The following B4GALNT3 variants were observed in gnomAD, a reference collection of about 807,000 sequenced individuals.
The protein encoded by B4GALNT3 is beta-1,4-N-acetylgalactosaminyltransferase 3.
B4GALNT3 carries 86 observed loss-of-function variants against 120.2 expected under a neutral mutation model. That is an observed-to-expected ratio of 0.72 (90% CI 0.60 to 0.86). B4GALNT3 has a LOEUF of 0.86. B4GALNT3 is among the 40% of genes least tolerant of loss of function. B4GALNT3 has a pLI of 0.00. For synonymous variants in B4GALNT3, 518 were observed against 510.4 expected (o/e 1.01, Z -0.20); for missense variants, 1,167 against 1,298.9 (o/e 0.90, Z 1.56).
At chr12:551,664 A>G (rs982907646) in intron 11 of B4GALNT3, among the ~76,000 whole-genome samples, 3 of 152,152 alleles carry the variant, frequency 2.0e-5, no homozygotes, top group African/African-American at 7.2e-5. Flanking sequence ...GGAAGCAGTG[A>G]AGTAAATAGG....
chr12:549,451 G>A (rs1184467303), intron 9 of B4GALNT3, among the ~76,000 whole-genome samples: 3 of 152,258 alleles, frequency 2.0e-5, no homozygotes, highest in Non-Finnish European at 1.5e-5. Flanking sequence ...TGCTCTGTAA[G>A]CGTTCAATAA....
At chr12:527,477 G>T (rs1172836404) in intron 1 of B4GALNT3, among the ~76,000 whole-genome samples, 1 of 152,248 alleles carries the variant, frequency 6.6e-6, no homozygotes, top group Non-Finnish European at 1.5e-5. Context: ...GGAAGCTGGG[G>T]GAAAGGACAG....
intron 1 of B4GALNT3, among the ~76,000 whole-genome samples, chr12:476,221 T>C (rs1294346088): frequency 6.6e-6 from 1 of 152,240 alleles, no homozygotes; most frequent in Non-Finnish European, 1.5e-5. Flanking sequence ...TGTGTTTTTG[T>C]TGTGACAATT....
intron 19 of B4GALNT3, among the ~76,000 whole-genome samples, chr12:560,650 C>T (rs1393144635): frequency 3.3e-5 from 5 of 152,194 alleles, no homozygotes; most frequent in Non-Finnish European, 5.9e-5. Flanking sequence ...AAAGGAGCCC[C>T]CAGGGCAGCT....
chr12:525,418 A>G (rs10849176), intron 1 of B4GALNT3, among the ~76,000 whole-genome samples: 58,358 of 152,004 alleles, frequency 0.38, 11,918 homozygotes, highest in Non-Finnish European at 0.46. Context: ...CAATAACACA[A>G]TTGTCATCAA....
intron 1 of B4GALNT3, among the ~76,000 whole-genome samples, chr12:495,491 A>G (rs1946380183): frequency 6.6e-6 from 1 of 152,250 alleles, no homozygotes; most frequent in South Asian, 2.1e-4. Context: ...TAGGTGAGGT[A>G]AAATTACCTC....
rs751352134 is a variant in B4GALNT3 at position 535,216 on chromosome 12, C to T, written c.220C>T (p.Pro74Ser). The change falls in exon 2 of 20, where the codon CCA becomes TCA. Residue 74 changes from proline (P) to serine (S), a missense_variant. Around this residue, in one of 3 missense-constraint regions of B4GALNT3, gnomAD observed 171 missense variants for 161.3 expected, o/e 1.06. Coordinates refer to ENST00000266383, the MANE Select transcript of B4GALNT3 (RefSeq NM_173593.4). ...CAAGGCTCTGGCCAGCAGGAACATT[C>T]CAGCTGTGGATCCACACCTCCAGTT... Reference protein sequence around the residue: ...LAKALASRNIPAVDPHLQFYH... With the variant: ...LAKALASRNISAVDPHLQFYH... 1.1e-5 allele frequency: 17 copies of T among 1,613,840 alleles called. No homozygotes were observed. The highest frequency in any genetic ancestry group is 1.4e-5 in the Non-Finnish European group (17 of 1,180,000).
intron 1 of B4GALNT3, among the ~76,000 whole-genome samples, chr12:504,676 C>T (rs1288616551): frequency 2.6e-5 from 4 of 152,010 alleles, no homozygotes; most frequent in South Asian, 2.1e-4. Flanking sequence ...TGCACCCCTG[C>T]ACTCCAGCCT....
chr12:559,054 A>AT (rs1947193217), intron 18 of B4GALNT3, among the ~76,000 whole-genome samples: 1 of 151,952 alleles, frequency 6.6e-6, no homozygotes, highest in African/African-American at 2.4e-5. Flanking sequence ...TGTCCGATCC[A>AT]TTTGTAGGGT....
At chr12:463,504 G>C (rs1197116111) in intron 1 of B4GALNT3, among the ~76,000 whole-genome samples, 1 of 152,176 alleles carries the variant, frequency 6.6e-6, no homozygotes, top group South Asian at 2.1e-4. Context: ...ATTGTGCCAG[G>C]CCGTGTAGGT....
intron 1 of B4GALNT3, among the ~76,000 whole-genome samples, chr12:486,591 G>A (rs1245433523): frequency 1.3e-5 from 2 of 152,132 alleles, no homozygotes; most frequent in African/African-American, 4.8e-5. Context: ...CTAGGGGAGG[G>A]GAAATACCCA....
At chr12:473,620 C>T (rs1177242077) in intron 1 of B4GALNT3, among the ~76,000 whole-genome samples, 2 of 152,150 alleles carry the variant, frequency 1.3e-5, no homozygotes, top group Admixed American at 1.3e-4. Context: ...TTCATTTGTC[C>T]TTGTACTTTC....
intron 6 of B4GALNT3, among the ~76,000 whole-genome samples, chr12:546,423 C>T (rs975480732): frequency 6.6e-6 from 1 of 152,054 alleles, no homozygotes; most frequent in Non-Finnish European, 1.5e-5. Context: ...GCAGGTCATC[C>T]GGCTGCTCCG....
intron 1 of B4GALNT3, among the ~76,000 whole-genome samples, chr12:527,773 G>A (rs951431067): frequency 2.6e-5 from 4 of 152,192 alleles, no homozygotes; most frequent in African/African-American, 9.7e-5. Context: ...GAGGGGAGCA[G>A]GCTCACACTC....
intron 1 of B4GALNT3, among the ~76,000 whole-genome samples, chr12:467,118 T>C (rs1178272223): frequency 6.8e-6 from 1 of 146,160 alleles, no homozygotes; most frequent in Non-Finnish European, 1.5e-5. Context: ...TTAATGAAAG[T>C]ATTTTTTGAG....
At position 524,223 on chromosome 12, in the gene B4GALNT3, T is replaced by C. The variant is rs528499650; in HGVS notation, c.170-10943T>C. On this transcript the variant is annotated intron_variant, in intron 1 of 19. Coordinates refer to ENST00000266383, the MANE Select transcript of B4GALNT3 (RefSeq NM_173593.4). ...AAAGCAGATCCCCATATTCCTTTCT[T>C]GAAGAACAAAGTTACTGTCATACAT... 2.4e-4 allele frequency among the ~76,000 whole-genome samples: 36 copies of C among 152,354 alleles called. No individual in the cohort carries two copies. In the South Asian group the frequency reaches 7.5e-3, roughly 32 times the overall value.
In B4GALNT3 at chr12:557,625, T is replaced by C. The variant is rs778552694; in HGVS notation, c.2398T>C (p.Trp800Arg). The change falls in exon 16 of 20, where the codon TGG becomes CGG. Residue 800 changes from tryptophan (W) to arginine (R), a missense_variant. Transcript: ENST00000266383. ...FVVPVKNQAR[W>R]VQQFIKDMEN... ...TGGGGTAGTGAAGAACCAGGCACGC[T>C]GGGTACAGCAATTCATCAAAGACAT... 2 of 1,610,950 alleles carry C rather than the reference T, an allele frequency of 1.2e-6. No individual in the cohort carries two copies. Among genetic ancestry groups the C allele is most frequent in the South Asian group, 1.1e-5 (1 of 90,654 alleles).
chr12:479,431 G>A (rs751191224), intron 1 of B4GALNT3, among the ~76,000 whole-genome samples: 3 of 152,142 alleles, frequency 2.0e-5, no homozygotes, highest in Non-Finnish European at 1.5e-5. Context: ...AACTGGGTAG[G>A]GGCAGTAGGA....
chr12:557,519 G>C (rs1377735384), intron 15 of B4GALNT3, 89 bp from the exon 16 acceptor site: 29 of 1,417,530 alleles, frequency 2.0e-5, no homozygotes, highest in Non-Finnish European at 2.6e-5. Flanking sequence ...GGGCACTCCT[G>C]ACTCACCTGG....
Sources: gnomAD v4.1 joint callset for allele counts (sites outside exome capture counted in the v4.1 genomes callset) on GRCh38, gnomAD v4.1.1 for gene constraint, gnomAD v4.1.1 regional missense constraint, MANE v1.5 for transcripts, NCBI Gene and HGNC (gene_info 2026-07-23, HGNC 2026-07-21) for gene names.